ARHGAP45: variants seen among roughly 807,000 people sequenced by gnomAD.
ARHGAP45 encodes rho GTPase-activating protein 45.
A neutral mutation model predicts 116.1 loss-of-function variants in ARHGAP45; 56 were observed. The observed-to-expected ratio is 0.48, with a 90% CI of 0.39 to 0.60. The LOEUF (loss-of-function observed/expected upper bound fraction) is 0.60, where lower values mean the gene tolerates loss of function less well. Among genes scored for constraint, ARHGAP45 ranks in the 20% least tolerant of loss-of-function variants. ARHGAP45 has a pLI of 0.00. For missense variants in ARHGAP45, 1,622 were observed against 1,601.0 expected (o/e 1.01, Z -0.22); for synonymous variants, 866 against 701.7 (o/e 1.23, Z -3.70).
upstream of ARHGAP45, chr19:1,066,162 A>T: frequency 6.6e-7 from 1 of 1,507,874 alleles, no homozygotes; most frequent in Non-Finnish European, 8.8e-7. Flanking sequence ...CTCCCACCCG[A>T]GGTAGGTGGG....
chr19:1,073,140 C>T lies in ARHGAP45; in HGVS notation c.422-9C>T. ...CTACCCCACTGCTCACTCCGACTCT[C>T]CCCAGCAGACCTCCTTGAGGCCCGC... On this transcript the variant is annotated splice_polypyrimidine_tract_variant and intron_variant, in intron 2 of 22. Coordinates refer to ENST00000313093, the MANE Select transcript of ARHGAP45 (RefSeq NM_012292.5). 1 of 1,602,386 alleles carries T rather than the reference C, an allele frequency of 6.2e-7. No individual in the cohort carries two copies. The highest frequency in any genetic ancestry group is 8.5e-7 in the Non-Finnish European group (1 of 1,179,408).
rs2043407951 is a variant in ARHGAP45, at chr19:1,080,722, C to A, written c.1953C>A (p.Thr651=). 3.7e-6 allele frequency: 6 copies of A among 1,613,632 alleles called. No homozygotes were observed. The highest frequency in any genetic ancestry group is 5.1e-6 in the Non-Finnish European group (6 of 1,179,984). Residue 651 remains threonine, a synonymous_variant, in exon 16 of 23, where the codon ACC becomes ACA. Transcript: ENST00000313093. ...KKFERTSSSG[T]MSSTEELVDP... Reference sequence around the variant, plus strand: ...TCGAGCGGACGTCATCCAGTGGTACCATGTCGTCCACGGAGGAGCTGGTGG... The same window carrying A: ...TCGAGCGGACGTCATCCAGTGGTACAATGTCGTCCACGGAGGAGCTGGTGG...
Position 1,081,047 on chromosome 19 carries a change from G to A in ARHGAP45, c.2173G>A (p.Gly725Ser), listed in dbSNP as rs2145072366. ...GTGCAACAGCTACGTCTACTTCCAG[G>A]GTGCTGAGTGTGAAGAGGTGAGTGG... is the stretch of plus-strand genomic sequence containing the variant. ...RECNSYVYFQ[G>S]AECEECCLAC... The change falls in exon 17 of 23, where the codon GGT becomes AGT. Residue 725 changes from glycine to serine, a missense_variant. Physicochemically the swap from Gly to Ser is moderately conservative, Grantham distance 56. Transcript: ENST00000313093. 3 of 1,607,882 alleles carry A rather than the reference G, an allele frequency of 1.9e-6. No individual in the cohort carries two copies. The highest frequency in any genetic ancestry group is 2.5e-6 in the Non-Finnish European group (3 of 1,178,202).
At chr19:1,084,528 A>C (rs977766393) in intron 22 of ARHGAP45, among the ~76,000 whole-genome samples, 182 bp downstream of exon 22, 3 of 152,232 alleles carry the variant, frequency 2.0e-5, no homozygotes, top group Non-Finnish European at 4.4e-5. Flanking sequence ...AACCGGCTGC[A>C]AAAACAGGCA....
At chr19:1,077,184 G>C (rs868006394) in intron 10 of ARHGAP45, 8 of 985,222 alleles carry the variant, frequency 8.1e-6, no homozygotes, top group Non-Finnish European at 9.6e-6. Context: ...CTCTGTTCTC[G>C]TCTGTGAGGA....
Position 1,081,834 on chromosome 19 carries a change from G to C in ARHGAP45, c.2390G>C (p.Arg797Pro), listed in dbSNP as rs1420818762. ...RRALRTKGIY[R>P]VNGVKTRVEK... ...CCCGGGCTCCCGCAGGGCATCTACC[G>C]GGTCAATGGGGTAAAGACACGCGTG... Residue 797 changes from arginine (R) to proline (P), a missense_variant, in exon 19 of 23, where the codon CGG becomes CCG. Arg to Pro is a moderately radical substitution (Grantham distance 103). Transcript: ENST00000313093. 3 of 1,609,278 alleles carry C rather than the reference G, an allele frequency of 1.9e-6. No homozygotes were observed. The highest frequency in any genetic ancestry group is 2.5e-6 in the Non-Finnish European group (3 of 1,178,360).
rs1260398153 is a variant in ARHGAP45 at position 1,074,610 on chromosome 19, A to G, written c.994-4A>G. On this transcript the variant is annotated splice_polypyrimidine_tract_variant and splice_region_variant and intron_variant, in intron 8 of 22. Coordinates refer to ENST00000313093, the MANE Select transcript of ARHGAP45 (RefSeq NM_012292.5). Reference sequence around the variant, plus strand: ...CACCCAGTGAGCCGGTGCCCCACCCACAGCCCCACATGCCGCTCCTGTCCA... The same window carrying G: ...CACCCAGTGAGCCGGTGCCCCACCCGCAGCCCCACATGCCGCTCCTGTCCA... The G allele has an allele frequency of 5.6e-5, 88 of 1,566,122 alleles. No homozygotes were observed. The highest frequency in any genetic ancestry group is 7.4e-5 in the Non-Finnish European group (86 of 1,155,858).
rs779435916 is a variant in ARHGAP45 at position 1,081,720 on chromosome 19, G to T, written c.2361G>T (p.Arg787=). 6.4e-7 allele frequency: 1 copy of T among 1,570,790 alleles called. No homozygotes were observed. The highest frequency in any genetic ancestry group is 8.6e-7 in the Non-Finnish European group (1 of 1,158,158). ...IVKKCVCEIE[R]RALRTKGIYR... ...AGAAGTGCGTCTGCGAGATCGAGCG[G>T]CGGGCGCTGCGCACCAAGGTGAGGC... The change falls in exon 18 of 23, where the codon CGG becomes CGT. Residue 787 remains arginine (R), a synonymous_variant. Coordinates refer to ENST00000313093, the MANE Select transcript of ARHGAP45 (RefSeq NM_012292.5).
intron 19 of ARHGAP45, chr19:1,082,547 TG>T (rs2043471178): frequency 2.2e-6 from 1 of 448,466 alleles, no homozygotes; most frequent in Non-Finnish European, 4.0e-6. Context: ...CGCAGGTGGT[TG>T]GGAAGGGGTC....
At position 1,078,171 on chromosome 19, in the gene ARHGAP45, T is replaced by C. The variant is rs1310822092; in HGVS notation, c.1374+126T>C. 8 of 1,412,808 alleles carry C rather than the reference T, an allele frequency of 5.7e-6. No individual in the cohort carries two copies. The African/African-American group carries it at 1.0e-4, about 18-fold the overall frequency. The allele number at this position is 1,412,808 out of a possible 1,614,324, so 87.5% of individuals were successfully genotyped here. On this transcript the variant is annotated intron_variant, in intron 11 of 22. Transcript: ENST00000313093. ...TTTTTTGTTTGTTTTTGAGACGGAG[T>C]CTTGCTCTGTCGCCCAGGCTGGAGT...
In ARHGAP45 at chr19:1,071,355, C is replaced by G. The variant is rs2043138046; in HGVS notation, c.422-1794C>G. On this transcript the variant is annotated intron_variant, in intron 2 of 22. Coordinates refer to ENST00000313093, the MANE Select transcript of ARHGAP45 (RefSeq NM_012292.5). This position sits in a 1 kb window ranked among gnomAD's most constrained non-coding sequence, Gnocchi z 4.6. ...CCCCGTGCGCTGCCGGGCGGGCCCC[C>G]GAGGTGAGGGGACAGGTGCCGGGCG... 1.5e-6 allele frequency: 2 copies of G among 1,332,424 alleles called. No homozygotes were observed. Among genetic ancestry groups the G allele is most frequent in the Middle Eastern group, 2.8e-4 (1 of 3,582 alleles). 82.5% of individuals were successfully genotyped at this position (1,332,424 alleles called of 1,614,324 possible). A position where few individuals can be genotyped will look rare whatever the true frequency, so the allele number is the denominator to read the frequency against.
chr19:1,077,665 C>G lies in ARHGAP45; in HGVS notation c.1186-192C>G. 3 of 1,454,932 alleles carry G rather than the reference C, an allele frequency of 2.1e-6. 1 individual carries two copies. In the East Asian group the frequency reaches 7.5e-5, roughly 37 times the overall value. 90.1% of individuals were successfully genotyped at this position (1,454,932 alleles called of 1,614,324 possible). A position where few individuals can be genotyped will look rare whatever the true frequency, so the allele number is the denominator to read the frequency against. ...CCTCCCAAAGTGCTGGGATTACAGA[C>G]GTGAGCCACCGCGCCCGGCCACTCC... On this transcript the variant is annotated intron_variant, in intron 10 of 22. Coordinates refer to ENST00000313093, the MANE Select transcript of ARHGAP45 (RefSeq NM_012292.5).
chr19:1,067,562 G>A (rs552899876), intron 1 of ARHGAP45, 67 bp downstream of exon 1: 219 of 1,418,918 alleles, frequency 1.5e-4, no homozygotes, highest in Non-Finnish European at 1.7e-4. Flanking sequence ...CCCGCCCTGT[G>A]CTCGGGGCTC....
At chr19:1,067,111 A>T, upstream of ARHGAP45, 1 of 1,058,412 alleles carries the variant, frequency 9.4e-7, no homozygotes. Context: ...CGAAGGCGGA[A>T]GCGGGGGGCG....
At chr19:1,084,089 G>A in intron 21 of ARHGAP45, 149 bp from the exon 22 acceptor site, 2 of 706,954 alleles carry the variant, frequency 2.8e-6, no homozygotes, top group South Asian at 1.6e-5. Flanking sequence ...AGGGGCTGCG[G>A]TTTCTCGGGT....
chr19:1,073,896 A>G (rs2043184671), intron 5 of ARHGAP45, 52 bp from the exon 6 acceptor site: 1 of 1,529,748 alleles, frequency 6.5e-7, no homozygotes, highest in African/African-American at 1.4e-5. Flanking sequence ...AAGGGTGGGC[A>G]CTGCCCAGGG....
chr19:1,079,606 T>C (rs1189830653), intron 11 of ARHGAP45, 97 bp from the exon 12 acceptor site: 7 of 1,478,466 alleles, frequency 4.7e-6, no homozygotes, highest in East Asian at 2.3e-5. Flanking sequence ...CCCGAGGCGC[T>C]GGGATGACAG....
intron 19 of ARHGAP45, 174 bp from the exon 20 acceptor site, chr19:1,082,666 G>A (rs888423091): frequency 1.7e-5 from 10 of 592,778 alleles, no homozygotes; most frequent in South Asian, 4.5e-5. Context: ...GGGTAGGAGG[G>A]GCAGGGCTCA....
chr19:1,082,283 GCC>G (rs1568480611), intron 19 of ARHGAP45, among the ~76,000 whole-genome samples: 3 of 62,730 alleles, frequency 4.8e-5, no homozygotes, highest in Non-Finnish European at 9.2e-5. Flanking sequence ...CGGGGGCGGG[GCC>G]GGGGCCGGGG....
Sources: allele counts gnomAD v4.1 joint callset (sites outside exome capture counted in the v4.1 genomes callset), GRCh38; gene constraint gnomAD v4.1.1; non-coding constraint Gnocchi (gnomAD v3.1); transcripts MANE v1.5; gene names NCBI Gene and HGNC (gene_info 2026-07-23, HGNC 2026-07-21).